Variants in KDM1B observed in about 807,000 individuals in gnomAD.
The protein encoded by KDM1B is lysine demethylase 1B.
KDM1B carries 63 observed loss-of-function variants against 107.4 expected under a neutral mutation model. That is an observed-to-expected ratio of 0.59 (90% CI 0.48 to 0.72). The LOEUF (loss-of-function observed/expected upper bound fraction) is 0.72. Ranked by LOEUF, KDM1B falls within the 30% of genes least tolerant of loss-of-function variation. The probability of loss-of-function intolerance (pLI) is 0.00; values close to 1 mark genes in which losing one functional copy is unlikely to be tolerated. For missense variants in KDM1B, 749 were observed against 1,020.8 expected (o/e 0.73, Z 3.63); for synonymous variants, 363 against 363.9 (o/e 1.00, Z 0.03).
intron 15 of KDM1B, among the ~76,000 whole-genome samples, chr6:18,207,031 G>A (rs41425649): frequency 0.087 from 13,294 of 152,156 alleles, 770 homozygotes; most frequent in Non-Finnish European, 0.12. Flanking sequence ...AAATCGTGCA[G>A]GGTTTCTATT....
At chr6:18,217,378 CTTTTT>C (rs11343407) in intron 20 of KDM1B, among the ~76,000 whole-genome samples, 2 of 127,014 alleles carry the variant, frequency 1.6e-5, no homozygotes, top group Non-Finnish European at 1.6e-5. Context: ...TATCTCCCTT[CTTTTT>C]TTTTTTTTTT....
Position 18,200,315 on chromosome 6 carries a change from T to A in KDM1B, c.1222-124T>A. On this transcript the variant is annotated intron_variant, in intron 12 of 21. Transcript: ENST00000650836. The surrounding 1 kb of genome is among the most constrained non-coding windows in gnomAD (Gnocchi z 4.3). ...TGCCTGCTTTTTAAAGTTGTTTTTT[T>A]AGAAATATTTGGAATTAACCAAATA... is the stretch of plus-strand genomic sequence containing the variant. 1 of 1,004,650 alleles carries A rather than the reference T, an allele frequency of 1.0e-6. No individual in the cohort carries two copies. Among genetic ancestry groups the A allele is most frequent in the Non-Finnish European group, 1.4e-6 (1 of 695,728 alleles). The allele number at this position is 1,004,650 out of a possible 1,614,324, so 62.2% of individuals were successfully genotyped here. A position where few individuals can be genotyped will look rare whatever the true frequency, so the allele number is the denominator to read the frequency against.
intron 3 of KDM1B, among the ~76,000 whole-genome samples, chr6:18,160,737 CAA>C (rs71536775): frequency 3.0e-5 from 4 of 131,430 alleles, no homozygotes; most frequent in Admixed American, 7.8e-5. Flanking sequence ...GACTCTGTCT[CAA>C]AAAAAAAAAT....
rs746436157 is a variant in KDM1B, at chr6:18,159,927, A to G, written c.32A>G (p.Lys11Arg). 8.1e-6 allele frequency: 13 copies of G among 1,610,896 alleles called. No individual in the cohort carries two copies. In the Admixed American group the frequency reaches 2.2e-4, roughly 27 times the overall value. Residue 11 changes from lysine (K) to arginine (R), a missense_variant, in exon 3 of 22, where the codon AAA (lysine) becomes AGA (arginine). Lys to Arg is a conservative substitution (Grantham distance 26). Transcript: ENST00000650836. This position sits in a 1 kb window ranked among gnomAD's most constrained non-coding sequence, Gnocchi z 4.5. MATPRGRTKK[K>R]ASFDHSPDSL... ...ACTCCACGGGGGAGGACAAAGAAAA[A>G]AGCATCTTTTGATCATTCTCCGGAT...
rs1788947122 is a variant in KDM1B, at chr6:18,212,812, CT to C, written c.1983+211del. Among the ~76,000 whole-genome samples, 1 of 152,190 alleles carries C rather than the reference CT, an allele frequency of 6.6e-6. No homozygotes were observed. The highest frequency in any genetic ancestry group is 2.1e-4 in the South Asian group (1 of 4,830). ...GCTGGCTGAGGTCTGTGAGTTTTGA[CT>C]TTAGGAGAAAGAATCTTGTTATTCA... On this transcript the variant is annotated intron_variant, in intron 18 of 21. Coordinates refer to ENST00000650836, the MANE Select transcript of KDM1B (RefSeq NM_001364614.2). The surrounding 1 kb of genome is among the most constrained non-coding windows in gnomAD (Gnocchi z 5.2).
intron 20 of KDM1B, among the ~76,000 whole-genome samples, chr6:18,216,787 T>C (rs962571804): frequency 6.6e-6 from 1 of 152,222 alleles, no homozygotes; most frequent in Admixed American, 6.5e-5. Context: ...TATAGCGTTA[T>C]AATTGTTCTA....
At chr6:18,192,548 G>A (rs559875561) in intron 10 of KDM1B, among the ~76,000 whole-genome samples, 5 of 152,052 alleles carry the variant, frequency 3.3e-5, no homozygotes, top group African/African-American at 7.2e-5. Flanking sequence ...CTTATTTTCC[G>A]CCCAGTAGCC....
Position 18,223,517 on chromosome 6 carries a change from T to TAA in KDM1B, c.*1527_*1528dup, listed in dbSNP as rs1370696282. Reference sequence around the variant, plus strand: ...TAAAATGTTTAGACAGCATGTGTTTTAAAGTGATAAATGCAAAATGTTAAG... The same window carrying TAA: ...TAAAATGTTTAGACAGCATGTGTTTTAAAAAGTGATAAATGCAAAATGTTAAG... On this transcript the variant is annotated 3_prime_UTR_variant, in exon 22 of 22. Coordinates refer to ENST00000650836, the MANE Select transcript of KDM1B (RefSeq NM_001364614.2). 1.3e-5 allele frequency: 2 copies of TAA among 152,220 alleles called. No individual in the cohort carries two copies. The highest frequency in any genetic ancestry group is 4.8e-5 in the African/African-American group (2 of 41,460). The allele number at this position is 152,220 out of a possible 1,614,324, so 9.4% of individuals were successfully genotyped here. A position where few individuals can be genotyped will look rare whatever the true frequency, so the allele number is the denominator to read the frequency against.
At chr6:18,158,788 C>A (rs189563696) in intron 2 of KDM1B, among the ~76,000 whole-genome samples, 76 of 152,200 alleles carry the variant, frequency 5.0e-4, no homozygotes, top group Middle Eastern at 3.4e-3. Context: ...CACATTATTT[C>A]TCTTGTAGAC....
rs1180460136 is a variant in KDM1B at position 18,214,783 on chromosome 6, G to A, written c.2110-224G>A. ...AAGTTAGCCGGGCATGGTGGCAGAC[G>A]CCTGTAATCCCAGCTACTCTGGAGG... is the stretch of plus-strand genomic sequence containing the variant. On this transcript the variant is annotated intron_variant, in intron 19 of 21. Transcript: ENST00000650836. The surrounding 1 kb of genome is among the most constrained non-coding windows in gnomAD (Gnocchi z 4.4). 7.9e-5 allele frequency among the ~76,000 whole-genome samples: 12 copies of A among 152,102 alleles called. No homozygotes were observed. Among genetic ancestry groups the A allele is most frequent in the African/African-American group, 2.4e-4 (10 of 41,416 alleles).
chr6:18,164,807 A>G (rs1785190977), intron 5 of KDM1B, among the ~76,000 whole-genome samples: 1 of 151,786 alleles, frequency 6.6e-6, no homozygotes, highest in South Asian at 2.1e-4. Flanking sequence ...CACCATGCCC[A>G]GCTAATTTTT....
rs1414504682 is a variant in KDM1B at position 18,204,809 on chromosome 6, G to A, written c.1532-728G>A. On this transcript the variant is annotated intron_variant, in intron 14 of 21. Transcript: ENST00000650836. The surrounding 1 kb of genome is among the most constrained non-coding windows in gnomAD (Gnocchi z 4.9). ...AAAGAATGGATGGGATTGGGTGGGA[G>A]AAGGCATTCCCATGAGGGAGAGTGG... Among the ~76,000 whole-genome samples the A allele has an allele frequency of 1.3e-5, 2 of 152,222 alleles. No homozygotes were observed. Among genetic ancestry groups the A allele is most frequent in the African/African-American group, 2.4e-5 (1 of 41,454 alleles).
chr6:18,184,337 C>T (rs541263017), intron 7 of KDM1B, among the ~76,000 whole-genome samples: 7 of 135,582 alleles, frequency 5.2e-5, no homozygotes, highest in South Asian at 2.4e-4. Context: ...TTCAGTGTTG[C>T]GATCTTGGCT....
chr6:18,184,008 C>T (rs1036418119), intron 7 of KDM1B, among the ~76,000 whole-genome samples: 2 of 151,820 alleles, frequency 1.3e-5, no homozygotes, highest in African/African-American at 4.8e-5. Flanking sequence ...GTGAAATATA[C>T]AAACAGAAGA....
At chr6:18,192,040 C>T (rs1253278442) in intron 10 of KDM1B, among the ~76,000 whole-genome samples, 1 of 152,138 alleles carries the variant, frequency 6.6e-6, no homozygotes, top group African/African-American at 2.4e-5. Flanking sequence ...AGGAGGATCG[C>T]TTGAGCCTAG....
Position 18,191,069 on chromosome 6 carries a change from A to G in KDM1B, c.785-128A>G. On this transcript the variant is annotated intron_variant, in intron 9 of 21. Coordinates refer to ENST00000650836, the MANE Select transcript of KDM1B (RefSeq NM_001364614.2). The surrounding 1 kb of genome is among the most constrained non-coding windows in gnomAD (Gnocchi z 5.1). ...TTTTGTCTAACTGGGTGGAGGAAGC[A>G]AAGGTATTTATGTAGGGTAGAGAGT... 1.6e-6 allele frequency: 1 copy of G among 641,298 alleles called. No homozygotes were observed. 39.7% of individuals were successfully genotyped at this position (641,298 alleles called of 1,614,324 possible).
At position 18,215,106 on chromosome 6, in the gene KDM1B, C is replaced by T. The variant is rs1789123938; in HGVS notation, c.2209C>T (p.Leu737Phe). ...KQVLQQCMAT[L>F]RELFKEQEVP... Reference sequence around the variant, plus strand: ...GGTGCTGCAGCAGTGCATGGCCACGCTCCGGGAGCTGTTCAAGGAGCAGGT... The same window carrying T: ...GGTGCTGCAGCAGTGCATGGCCACGTTCCGGGAGCTGTTCAAGGAGCAGGT... The change falls in exon 20 of 22, where the codon CTC becomes TTC. Residue 737 changes from leucine (L) to phenylalanine (F), a missense_variant. Coordinates refer to ENST00000650836, the MANE Select transcript of KDM1B (RefSeq NM_001364614.2). 1.9e-6 allele frequency: 3 copies of T among 1,613,268 alleles called. No homozygotes were observed. The highest frequency in any genetic ancestry group is 2.5e-6 in the Non-Finnish European group (3 of 1,179,834).
chr6:18,207,772 G>A (rs79047439), intron 16 of KDM1B, among the ~76,000 whole-genome samples: 15,634 of 152,166 alleles, frequency 0.1, 892 homozygotes, highest in Non-Finnish European at 0.12. Context: ...AAATTGCTTC[G>A]CAACTTTCCT....
chr6:18,211,800 G>A lies in KDM1B; in HGVS notation c.1867-688G>A, dbSNP rs1788867346. Reference sequence around the variant, plus strand: ...CACCCTGATTCTCAGAGGTTAGTGGGGCAGATACTACCTTCATTTTATAGA... The same window carrying A: ...CACCCTGATTCTCAGAGGTTAGTGGAGCAGATACTACCTTCATTTTATAGA... On this transcript the variant is annotated intron_variant, in intron 17 of 21. Coordinates refer to ENST00000650836, the MANE Select transcript of KDM1B (RefSeq NM_001364614.2). This position sits in a 1 kb window ranked among gnomAD's most constrained non-coding sequence, Gnocchi z 5.2. 6.6e-6 allele frequency: 1 copy of A among 152,146 alleles called. No individual in the cohort carries two copies. Among genetic ancestry groups the A allele is most frequent in the South Asian group, 2.1e-4 (1 of 4,822 alleles). 9.4% of individuals were successfully genotyped at this position (152,146 alleles called of 1,614,324 possible). A position where few individuals can be genotyped will look rare whatever the true frequency, so the allele number is the denominator to read the frequency against.
Sources: allele counts gnomAD v4.1 joint callset (sites outside exome capture counted in the v4.1 genomes callset), GRCh38; gene constraint gnomAD v4.1.1; non-coding constraint Gnocchi (gnomAD v3.1); transcripts MANE v1.5; gene names NCBI Gene and HGNC (gene_info 2026-07-23, HGNC 2026-07-21).